The following MYH11 variants were observed in gnomAD, a reference collection of about 807,000 sequenced individuals.
MYH11 encodes myosin-11.
MYH11 carries 80 observed loss-of-function variants against 246.6 expected under a neutral mutation model. The observed-to-expected ratio is 0.32, with a 90% CI of 0.27 to 0.39. The LOEUF is 0.39. MYH11 is among the 10% of genes least tolerant of loss of function. The pLI is 1.00. For missense variants in MYH11, 2,158 were observed against 2,546.8 expected, an observed-to-expected ratio of 0.85 and a Z score of 3.29; for synonymous variants, 1,071 against 1,015.5, an observed-to-expected ratio of 1.05 and a Z score of -1.04.
intron 9 of MYH11, among the ~76,000 whole-genome samples, chr16:15,766,952 G>T (rs1385944183): frequency 6.6e-6 from 1 of 152,190 alleles, no homozygotes; most frequent in Non-Finnish European, 1.5e-5. Flanking sequence ...TCTGCAGTTA[G>T]AGAGTCCTGA....
intron 4 of MYH11, among the ~76,000 whole-genome samples, chr16:15,796,118 T>G (rs2042737516): frequency 6.6e-6 from 1 of 151,670 alleles, no homozygotes; most frequent in South Asian, 2.1e-4. Context: ...GGCGGTGGAG[T>G]CAGAGGAATG....
intron 26 of MYH11, 55 bp from the exon 27 acceptor site, chr16:15,732,763 A>G (rs1342473738): frequency 1.2e-6 from 2 of 1,606,402 alleles, no homozygotes; most frequent in African/African-American, 1.3e-5. Context: ...GGGTCATCTC[A>G]GTGCCGTGCA....
intron 8 of MYH11, among the ~76,000 whole-genome samples, chr16:15,772,115 G>A (rs553304054): frequency 1.7e-4 from 19 of 114,152 alleles, no homozygotes; most frequent in Admixed American, 3.3e-4. Context: ...TTTTTGAGAC[G>A]GAGTCTCACT....
At chr16:15,847,337 G>A (rs1377365931) in intron 1 of MYH11, among the ~76,000 whole-genome samples, 2 of 141,452 alleles carry the variant, frequency 1.4e-5, no homozygotes, top group Middle Eastern at 3.7e-3. Context: ...GGCAACCTCC[G>A]CCTCCCAGGC....
At chr16:15,724,471 C>T in intron 30 of MYH11, 62 bp from the exon 31 acceptor site, 2 of 1,610,076 alleles carry the variant, frequency 1.2e-6, no homozygotes, top group Non-Finnish European at 1.7e-6. Flanking sequence ...TGTCCCTGGC[C>T]CCACAGACTC....
At chr16:15,749,946 G>A in intron 16 of MYH11, 192 bp downstream of exon 16, 1 of 679,628 alleles carries the variant, frequency 1.5e-6, no homozygotes, top group African/African-American at 1.8e-5. Context: ...CAACTGAAAA[G>A]TCTCTGGATG....
At chr16:15,704,802 A>C (rs1373391172) in intron 40 of MYH11, among the ~76,000 whole-genome samples, 2 of 152,204 alleles carry the variant, frequency 1.3e-5, no homozygotes, top group African/African-American at 4.8e-5. Flanking sequence ...ACAGGTGCCC[A>C]GTGAATATTA....
intron 1 of MYH11, among the ~76,000 whole-genome samples, chr16:15,854,763 G>A (rs1483167316): frequency 2.0e-5 from 3 of 152,068 alleles, no homozygotes; most frequent in Non-Finnish European, 4.4e-5. Flanking sequence ...GGAATTACAC[G>A]CTTGTGCCTA....
intron 20 of MYH11, among the ~76,000 whole-genome samples, chr16:15,744,663 C>T (rs2041367850): frequency 6.6e-6 from 1 of 152,066 alleles, no homozygotes; most frequent in African/African-American, 2.4e-5. Context: ...CCACCATACC[C>T]AGCTAATTTT....
At position 15,750,368 on chromosome 16, in the gene MYH11, C is replaced by T. The variant is rs778195825; in HGVS notation, c.1865-37G>A. 1.3e-6 allele frequency: 2 copies of T among 1,552,448 alleles called. No homozygotes were observed. Among genetic ancestry groups the T allele is most frequent in the South Asian group, 1.2e-5 (1 of 85,382 alleles). Reference sequence around the variant, plus strand: ...AGCCAGGGTGGCATCAGCCTCTGGCCCACCCACCCCTAAATAGGCCAGAGG... The same window carrying T: ...AGCCAGGGTGGCATCAGCCTCTGGCTCACCCACCCCTAAATAGGCCAGAGG... On this transcript the variant is annotated intron_variant, in intron 15 of 40. Coordinates refer to ENST00000300036, the MANE Select transcript of MYH11 (RefSeq NM_002474.3). This position sits in a 1 kb window ranked among gnomAD's most constrained non-coding sequence, Gnocchi z 4.3.
chr16:15,750,014 C>T lies in MYH11; in HGVS notation c.2058+124G>A, dbSNP rs775873413. Reference sequence around the variant, plus strand: ...GGGAATGGGTCTGAGATTCAGATAGCCTTCCCCACATGGAAAATGGGGTCC... The same window carrying T: ...GGGAATGGGTCTGAGATTCAGATAGTCTTCCCCACATGGAAAATGGGGTCC... On this transcript the variant is annotated intron_variant, in intron 16 of 40. Transcript: ENST00000300036. This position sits in a 1 kb window ranked among gnomAD's most constrained non-coding sequence, Gnocchi z 4.3. 4.2e-6 allele frequency: 5 copies of T among 1,189,234 alleles called. No individual in the cohort carries two copies. The allele number at this position is 1,189,234 out of a possible 1,614,324, so 73.7% of individuals were successfully genotyped here.
intron 38 of MYH11, among the ~76,000 whole-genome samples, chr16:15,715,702 T>C (rs1274454597): frequency 1.3e-5 from 2 of 152,128 alleles, no homozygotes; most frequent in African/African-American, 2.4e-5. Flanking sequence ...ATGCCTGCTC[T>C]TCACCCTAGT....
chr16:15,849,744 G>A (rs62031677), intron 1 of MYH11, among the ~76,000 whole-genome samples: 15,347 of 152,128 alleles, frequency 0.1, 1,033 homozygotes, highest in Middle Eastern at 0.16. Context: ...GAGCCACCGC[G>A]CCCAGGCTGC....
chr16:15,817,763 C>G (rs1054069658), intron 3 of MYH11, among the ~76,000 whole-genome samples: 5 of 152,088 alleles, frequency 3.3e-5, no homozygotes, highest in Non-Finnish European at 4.4e-5. Flanking sequence ...CCCCTCTAAA[C>G]CAGCTCCTGC....
chr16:15,823,133 C>T (rs2043459831), intron 3 of MYH11, 122 bp downstream of exon 3: 67 of 1,386,982 alleles, frequency 4.8e-5, no homozygotes, highest in Non-Finnish European at 6.3e-5. Context: ...CCTTTTTCAG[C>T]CACAGTAACT....
At chr16:15,707,549 T>TC (rs2039522168) in intron 40 of MYH11, among the ~76,000 whole-genome samples, 1 of 152,156 alleles carries the variant, frequency 6.6e-6, no homozygotes, top group African/African-American at 2.4e-5. Flanking sequence ...CAAAACTGGC[T>TC]CTTAACAAGA....
intron 37 of MYH11, chr16:15,717,903 C>T: frequency 3.3e-6 from 1 of 306,890 alleles, no homozygotes; most frequent in South Asian, 3.5e-5. Context: ...CCTGTTCACC[C>T]TACACCACAA....
chr16:15,721,063 GC>G lies in MYH11; in HGVS notation c.4579-13del. On this transcript the variant is annotated splice_polypyrimidine_tract_variant and intron_variant, in intron 32 of 40. Transcript: ENST00000300036. ...TCCAGCTCATGGACCTGCCGGCAGA[GC>G]GGGCAGCCCCATTCTATGAGGCTCA... 1.2e-6 allele frequency: 2 copies of G among 1,613,554 alleles called. No homozygotes were observed. Among genetic ancestry groups the G allele is most frequent in the Non-Finnish European group, 1.7e-6 (2 of 1,179,954 alleles).
At position 15,823,617 on chromosome 16, in the gene MYH11, A is replaced by C. The variant is rs145738884; in HGVS notation, c.346-206T>G. On this transcript the variant is annotated intron_variant, in intron 2 of 40. Coordinates refer to ENST00000300036, the MANE Select transcript of MYH11 (RefSeq NM_002474.3). ...CAAGCTGCCTATGTTTTATTTTGCA[A>C]CTGTGGGGGGTTTTGTGTTTGTTTT... is the stretch of plus-strand genomic sequence containing the variant. 3.9e-5 allele frequency among the ~76,000 whole-genome samples: 6 copies of C among 152,086 alleles called. No individual in the cohort carries two copies. In the East Asian group the frequency reaches 1.2e-3, roughly 29 times the overall value.
Sources: allele counts gnomAD v4.1 joint callset (sites outside exome capture counted in the v4.1 genomes callset), GRCh38; gene constraint gnomAD v4.1.1; non-coding constraint Gnocchi (gnomAD v3.1); transcripts MANE v1.5; gene names NCBI Gene and HGNC (gene_info 2026-07-23, HGNC 2026-07-21).